Variants in HS1BP3 observed in about 807,000 individuals in gnomAD.
The protein encoded by HS1BP3 is HCLS1 binding protein 3.
Under a neutral mutation model 33.5 loss-of-function variants are expected in HS1BP3, and 32 were observed. That is an observed-to-expected ratio of 0.95 (90% CI 0.72 to 1.28). The LOEUF (loss-of-function observed/expected upper bound fraction) is 1.28. Among genes scored for constraint, HS1BP3 ranks in the 50% most tolerant of loss-of-function variants. The pLI is 0.00. For synonymous variants in HS1BP3, 187 were observed against 209.2 expected (o/e 0.89, Z 0.92); for missense variants, 486 against 502.3 (o/e 0.97, Z 0.31).
intron 3 of HS1BP3, among the ~76,000 whole-genome samples, chr2:20,597,774 T>G (rs1693976654): frequency 6.6e-6 from 1 of 152,230 alleles, no homozygotes; most frequent in Non-Finnish European, 1.5e-5. Context: ...TCATAGATGG[T>G]TCTCATAGAA....
downstream of HS1BP3, among the ~76,000 whole-genome samples, chr2:20,615,579 G>T (rs1158737282): frequency 6.6e-6 from 1 of 152,228 alleles, no homozygotes; most frequent in Non-Finnish European, 1.5e-5. Flanking sequence ...GAAGCCAATA[G>T]CAGCAGGCAG....
At chr2:20,624,697 A>T (rs1471591703) in intron 5 of HS1BP3, 35 bp downstream of exon 5, 2 of 1,542,406 alleles carry the variant, frequency 1.3e-6, no homozygotes, top group Non-Finnish European at 8.7e-7. Flanking sequence ...GGGCACCGAG[A>T]GGACACCAGG....
intron 5 of HS1BP3, among the ~76,000 whole-genome samples, chr2:20,570,064 A>T (rs187991465): frequency 6.6e-6 from 1 of 152,176 alleles, no homozygotes; most frequent in East Asian, 1.9e-4. Flanking sequence ...CCTGGCTCCC[A>T]CCTGAATCAG....
At chr2:20,617,411 G>T (rs1032331477), downstream of HS1BP3, among the ~76,000 whole-genome samples, 1 of 148,096 alleles carries the variant, frequency 6.8e-6, no homozygotes, top group African/African-American at 2.4e-5. Context: ...GGGTTAAGAC[G>T]GAGGAGGAGG....
intron 2 of HS1BP3, among the ~76,000 whole-genome samples, chr2:20,609,027 C>T (rs1231254583): frequency 6.6e-6 from 1 of 152,186 alleles, no homozygotes; most frequent in African/African-American, 2.4e-5. Flanking sequence ...CGCCTGGCTA[C>T]AGGGAAAACA....
At chr2:20,584,736 A>G (rs1313133031) in intron 5 of HS1BP3, among the ~76,000 whole-genome samples, 2 of 152,218 alleles carry the variant, frequency 1.3e-5, no homozygotes, top group Non-Finnish European at 2.9e-5. Context: ...GGTCCTGCTC[A>G]GGCTCAGGAA....
At position 20,638,512 on chromosome 2, in the gene HS1BP3, C is replaced by T. The variant is rs531294953; in HGVS notation, c.547G>A (p.Val183Ile). 3.8e-5 allele frequency: 62 copies of T among 1,614,262 alleles called. 1 individual carries two copies. The highest frequency in any genetic ancestry group is 2.0e-4 in the East Asian group (9 of 44,886). ...QDQVAEEGPP[V>I]QSLKGEDAEE... The stretch of plus-strand genomic sequence containing the variant: ...GCATCCTCGCCCTTCAGGCTCTGGA[C>T]GGGCGGACCCTCTTCTGCCACTTGG... The change falls in exon 4 of 7, where the codon GTC becomes ATC. Residue 183 changes from valine (V) to isoleucine (I), a missense_variant. Val to Ile is a conservative substitution (Grantham distance 29). Transcript: ENST00000304031.
At chr2:20,605,591 A>T (rs970809155) in intron 2 of HS1BP3, among the ~76,000 whole-genome samples, 1 of 151,472 alleles carries the variant, frequency 6.6e-6, no homozygotes, top group East Asian at 1.9e-4. Context: ...ACCTCCCCGC[A>T]CTCCCAGCCC....
chr2:20,597,836 G>A (rs575483333), intron 3 of HS1BP3, among the ~76,000 whole-genome samples: 3 of 152,304 alleles, frequency 2.0e-5, no homozygotes, highest in Admixed American at 6.5e-5. Context: ...TTCCCAGCCC[G>A]TAAACCCTTG....
chr2:20,598,417 G>A (rs574708216), intron 2 of HS1BP3, among the ~76,000 whole-genome samples: 12 of 152,266 alleles, frequency 7.9e-5, no homozygotes, highest in Non-Finnish European at 1.5e-4. Flanking sequence ...CTGACAGGAG[G>A]TGAAGCTCAG....
At chr2:20,572,711 C>T (rs1234569459) in intron 5 of HS1BP3, among the ~76,000 whole-genome samples, 1 of 152,222 alleles carries the variant, frequency 6.6e-6, no homozygotes, top group Non-Finnish European at 1.5e-5. Flanking sequence ...TCAGAGGCTC[C>T]TTCCTCCTGT....
intron 6 of HS1BP3, among the ~76,000 whole-genome samples, chr2:20,620,534 A>T (rs566591197): frequency 1.9e-4 from 29 of 152,194 alleles, no homozygotes; most frequent in Non-Finnish European, 3.8e-4. Flanking sequence ...TACAAGCAGG[A>T]GTAACAGTGT....
chr2:20,590,558 G>A (rs1011232466), downstream of HS1BP3, among the ~76,000 whole-genome samples: 3 of 152,168 alleles, frequency 2.0e-5, no homozygotes, highest in Non-Finnish European at 2.9e-5. Context: ...ATTAGGTCAC[G>A]TCCCCGTACT....
chr2:20,569,691 G>A (rs1032583751), intron 5 of HS1BP3, among the ~76,000 whole-genome samples: 9 of 152,116 alleles, frequency 5.9e-5, no homozygotes, highest in South Asian at 2.1e-4. Context: ...CTGATCCTCC[G>A]ACTCCATTGA....
At chr2:20,567,073 C>T (rs1693147301) in intron 5 of HS1BP3, among the ~76,000 whole-genome samples, 1 of 152,230 alleles carries the variant, frequency 6.6e-6, no homozygotes, top group Admixed American at 6.5e-5. Flanking sequence ...AGAAGCCACC[C>T]TGCTCACCAT....
downstream of HS1BP3, among the ~76,000 whole-genome samples, chr2:20,559,732 ATG>A (rs1692942814): frequency 6.6e-6 from 1 of 151,324 alleles, no homozygotes; most frequent in Non-Finnish European, 1.5e-5. Context: ...GGATGGATGG[ATG>A]GATGGATGGA....
chr2:20,588,215 T>A (rs1467518377), downstream of HS1BP3, among the ~76,000 whole-genome samples: 2 of 152,136 alleles, frequency 1.3e-5, no homozygotes, highest in African/African-American at 4.8e-5. Context: ...ATTTTCATAA[T>A]TGTCTATATC....
intron 1 of HS1BP3, among the ~76,000 whole-genome samples, chr2:20,647,197 G>C (rs993581133): frequency 6.6e-6 from 1 of 152,134 alleles, no homozygotes; most frequent in African/African-American, 2.4e-5. Flanking sequence ...CACATCCAAT[G>C]GTTCTCTGAC....
At chr2:20,600,077 A>G (rs16987880) in intron 2 of HS1BP3, among the ~76,000 whole-genome samples, 9,375 of 152,234 alleles carry the variant, frequency 0.062, 339 homozygotes, top group South Asian at 0.18. Context: ...GAGTAATGCC[A>G]GGCCTCAGAA....
Sources: allele counts gnomAD v4.1 joint callset (sites outside exome capture counted in the v4.1 genomes callset), GRCh38; gene constraint gnomAD v4.1.1; transcripts MANE v1.5; gene names NCBI Gene and HGNC (gene_info 2026-07-23, HGNC 2026-07-21).